CHRNA7: variants seen among roughly 807,000 people sequenced by gnomAD.
CHRNA7 encodes neuronal acetylcholine receptor subunit alpha-7.
CHRNA7 carries 17 observed loss-of-function variants against 48.0 expected under a neutral mutation model. The observed-to-expected ratio is 0.35, with a 90% CI of 0.24 to 0.53. CHRNA7 has a LOEUF of 0.53. Among genes scored for constraint, CHRNA7 ranks in the 20% least tolerant of loss-of-function variants. CHRNA7 has a pLI of 0.92. For missense variants in CHRNA7, 155 were observed against 577.7 expected (o/e 0.27, Z 7.50); for synonymous variants, 75 against 242.3 (o/e 0.31, Z 6.41).
intron 4 of CHRNA7, among the ~76,000 whole-genome samples, chr15:32,112,625 A>C (rs2050782271): frequency 6.6e-6 from 1 of 152,252 alleles, no homozygotes; most frequent in Admixed American, 6.5e-5. Flanking sequence ...GTCAGACCTC[A>C]TAAATAACAT....
chr15:32,110,121 C>T (rs912519373), intron 3 of CHRNA7, among the ~76,000 whole-genome samples: 5 of 152,138 alleles, frequency 3.3e-5, no homozygotes, highest in East Asian at 1.9e-4. Flanking sequence ...AATTAGTGAC[C>T]GACACAGAGA....
chr15:32,098,726 T>TC (rs2050515733), intron 2 of CHRNA7: 4 of 152,258 alleles, frequency 2.6e-5, no homozygotes, highest in Admixed American at 2.6e-4. Flanking sequence ...CCCTTGTCAC[T>TC]CTGGGTGAAG....
At chr15:32,044,545 G>A (rs1338004395) in intron 2 of CHRNA7, among the ~76,000 whole-genome samples, 4 of 152,128 alleles carry the variant, frequency 2.6e-5, no homozygotes, top group Middle Eastern at 3.2e-3. Context: ...CAAAGTGCTG[G>A]GATTACAGGC....
intron 4 of CHRNA7, among the ~76,000 whole-genome samples, chr15:32,137,838 T>C (rs577316434): frequency 4.5e-4 from 69 of 152,352 alleles, no homozygotes; most frequent in African/African-American, 1.6e-3. Flanking sequence ...AAAAGATACT[T>C]GTCTAAGCAT....
At chr15:32,136,306 C>A (rs1294518432) in intron 4 of CHRNA7, among the ~76,000 whole-genome samples, 2 of 151,990 alleles carry the variant, frequency 1.3e-5, no homozygotes, top group Non-Finnish European at 2.9e-5. Context: ...GCCTGGCCAA[C>A]ATGGTGAAAC....
intron 2 of CHRNA7, among the ~76,000 whole-genome samples, chr15:32,079,338 A>G (rs925992008): frequency 6.6e-6 from 1 of 152,218 alleles, no homozygotes; most frequent in East Asian, 1.9e-4. Context: ...AGGGTATTCA[A>G]ATAGGAAGAG....
chr15:32,040,282 T>C (rs887970580), intron 2 of CHRNA7, among the ~76,000 whole-genome samples: 7 of 152,138 alleles, frequency 4.6e-5, no homozygotes, highest in Non-Finnish European at 8.8e-5. Flanking sequence ...TCATATTTGT[T>C]ACTGATTTTT....
chr15:32,052,097 G>T (rs549559232), intron 2 of CHRNA7, among the ~76,000 whole-genome samples: 1 of 152,172 alleles, frequency 6.6e-6, no homozygotes, highest in Admixed American at 6.5e-5. Context: ...TGGAAAGGTG[G>T]CCTCAAATCT....
At chr15:32,106,438 C>A (rs1490140153) in intron 3 of CHRNA7, among the ~76,000 whole-genome samples, 1 of 152,202 alleles carries the variant, frequency 6.6e-6, no homozygotes, top group East Asian at 1.9e-4. Flanking sequence ...GTTATTCTTT[C>A]TCCCAGTTGC....
chr15:32,114,075 TAC>T (rs35932128), intron 4 of CHRNA7, among the ~76,000 whole-genome samples: 2,202 of 112,892 alleles, frequency 0.02, 56 homozygotes, highest in African/African-American at 0.053. Context: ...TATATATATA[TAC>T]ACATACATAC....
At chr15:32,073,026 C>T (rs569789470) in intron 2 of CHRNA7, among the ~76,000 whole-genome samples, 110 of 152,282 alleles carry the variant, frequency 7.2e-4, no homozygotes, top group Non-Finnish European at 1.2e-3. Flanking sequence ...GGCAACCATC[C>T]GCCAGACCCA....
chr15:32,124,724 T>G (rs2051035024), intron 4 of CHRNA7, among the ~76,000 whole-genome samples: 1 of 152,140 alleles, frequency 6.6e-6, no homozygotes, highest in Admixed American at 6.5e-5. Context: ...AGAATTAGTA[T>G]GTTGAAATCC....
At chr15:32,136,166 T>G (rs887384695) in intron 4 of CHRNA7, among the ~76,000 whole-genome samples, 3 of 152,166 alleles carry the variant, frequency 2.0e-5, no homozygotes, top group African/African-American at 7.2e-5. Flanking sequence ...TTTGGTTATA[T>G]AAAATAATAA....
chr15:32,082,667 A>G (rs2050234962), intron 2 of CHRNA7, among the ~76,000 whole-genome samples: 1 of 152,164 alleles, frequency 6.6e-6, no homozygotes, highest in South Asian at 2.1e-4. Context: ...ATTATTTTGA[A>G]AAAACATACT....
chr15:32,030,635 C>A lies in CHRNA7; in HGVS notation c.41C>A (p.Ala14Glu). The A allele has an allele frequency of 6.4e-7, 1 of 1,572,436 alleles. No individual in the cohort carries two copies. Among genetic ancestry groups the A allele is most frequent in the Non-Finnish European group, 8.6e-7 (1 of 1,164,550 alleles). Residue 14 changes from alanine (A) to glutamate (E), a missense_variant, in exon 1 of 10, where the codon GCG (alanine) becomes GAG (glutamate). Ala to Glu is a moderately radical substitution (Grantham distance 107). Coordinates refer to ENST00000306901, the MANE Select transcript of CHRNA7 (RefSeq NM_000746.6). The part of the protein sequence containing the change: ...SPGGVWLALA[A>E]SLLHVSLQGE... Reference sequence around the variant, plus strand: ...GGAGGCGTCTGGCTGGCGCTGGCCGCGTCGCTCCTGCACGGTAAAGCCACT... The same window carrying A: ...GGAGGCGTCTGGCTGGCGCTGGCCGAGTCGCTCCTGCACGGTAAAGCCACT...
chr15:32,131,213 G>A (rs969784747), intron 4 of CHRNA7, among the ~76,000 whole-genome samples: 1 of 152,034 alleles, frequency 6.6e-6, no homozygotes, highest in Admixed American at 6.6e-5. Context: ...ATCTGTAGAT[G>A]TATATCTTTT....
At chr15:32,140,248 G>T (rs1007394315) in intron 4 of CHRNA7, among the ~76,000 whole-genome samples, 1 of 152,188 alleles carries the variant, frequency 6.6e-6, no homozygotes, top group African/African-American at 2.4e-5. Context: ...CAAAGGACAT[G>T]AACTCATCCT....
At chr15:32,047,882 G>A (rs951467131) in intron 2 of CHRNA7, among the ~76,000 whole-genome samples, 2 of 152,022 alleles carry the variant, frequency 1.3e-5, no homozygotes, top group Non-Finnish European at 1.5e-5. Context: ...TAGCATGAAG[G>A]GTTGTTGAAT....
chr15:32,123,244 G>A (rs953312247), intron 4 of CHRNA7, among the ~76,000 whole-genome samples: 5 of 152,136 alleles, frequency 3.3e-5, no homozygotes, highest in Admixed American at 2.6e-4. Context: ...GTTTGGTGTC[G>A]GCCTTCTTTG....
Sources: gnomAD v4.1 joint callset for allele counts (sites outside exome capture counted in the v4.1 genomes callset) on GRCh38, gnomAD v4.1.1 for gene constraint, MANE v1.5 for transcripts, NCBI Gene and HGNC (gene_info 2026-07-23, HGNC 2026-07-21) for gene names.